Variants in TMEM132D observed in about 807,000 individuals in gnomAD.
The protein encoded by TMEM132D is transmembrane protein 132D, also known as mature OL transmembrane protein.
TMEM132D carries 21 observed loss-of-function variants against 62.3 expected under a neutral mutation model. The ratio of observed to expected loss-of-function variants is 0.34; its 90% CI spans 0.24 to 0.49. The LOEUF is 0.49. Among genes scored for constraint, TMEM132D ranks in the 20% least tolerant of loss-of-function variants. The pLI is 0.99. For missense variants in TMEM132D, 1,346 were observed against 1,402.8 expected (o/e 0.96, Z 0.65); for synonymous variants, 621 against 575.6 (o/e 1.08, Z -1.13).
intron 2 of TMEM132D, among the ~76,000 whole-genome samples, chr12:129,674,632 C>T (rs1373718659): frequency 6.6e-6 from 1 of 152,160 alleles, no homozygotes; most frequent in Non-Finnish European, 1.5e-5. Flanking sequence ...CTCCGCCTCC[C>T]AGGTTCATGC....
At chr12:129,583,759 C>T (rs1049362096) in intron 2 of TMEM132D, among the ~76,000 whole-genome samples, 6 of 152,246 alleles carry the variant, frequency 3.9e-5, no homozygotes, top group East Asian at 1.9e-4. Context: ...ACATAAATGG[C>T]GAGAAAGCAT....
chr12:129,228,271 C>T (rs547075671), intron 4 of TMEM132D, among the ~76,000 whole-genome samples: 2 of 152,088 alleles, frequency 1.3e-5, no homozygotes, highest in East Asian at 1.9e-4. Flanking sequence ...GCTGGTTTTG[C>T]GTGCTGAAAA....
In TMEM132D at chr12:129,354,379, A is replaced by G. The variant is rs566793227; in HGVS notation, c.1116-16562T>C. Among the ~76,000 whole-genome samples the G allele has an allele frequency of 2.1e-3, 326 of 151,836 alleles. 2 individuals are homozygous for G. Among genetic ancestry groups the G allele is most frequent in the African/African-American group, 7.4e-3 (304 of 41,350 alleles). On this transcript the variant is annotated intron_variant, in intron 3 of 8. Coordinates refer to ENST00000422113, the MANE Select transcript of TMEM132D (RefSeq NM_133448.3). ...CGCTCCGTCACGCAGGCTGGAGTGC[A>G]GTGGCATGATCTTAGCTTACTGCAA... is the stretch of plus-strand genomic sequence containing the variant.
intron 3 of TMEM132D, among the ~76,000 whole-genome samples, chr12:129,432,626 C>T (rs747697264): frequency 6.6e-6 from 1 of 152,132 alleles, no homozygotes; most frequent in Non-Finnish European, 1.5e-5. Context: ...GTAATATATA[C>T]CAAGAGTAGA....
Position 129,827,485 on chromosome 12 carries a change from T to C in TMEM132D, c.79+75776A>G, listed in dbSNP as rs1197252551. On this transcript the variant is annotated intron_variant, in intron 1 of 8. Transcript: ENST00000422113. The surrounding 1 kb of genome is among the most constrained non-coding windows in gnomAD (Gnocchi z 9.7). ...AATTTGCAAAATACTAATGGGTATT[T>C]TGCAACTTTTTAACTATTTTACTTC... Among the ~76,000 whole-genome samples the C allele has an allele frequency of 6.7e-6, 1 of 150,300 alleles. No homozygotes were observed. The highest frequency in any genetic ancestry group is 2.0e-4 in the East Asian group (1 of 4,968).
chr12:129,147,200 G>A (rs538700692), intron 5 of TMEM132D, among the ~76,000 whole-genome samples: 19 of 145,208 alleles, frequency 1.3e-4, no homozygotes, highest in African/African-American at 2.8e-4. Context: ...ATATATTTAC[G>A]TATATGTATA....
At position 129,708,246 on chromosome 12, in the gene TMEM132D, G is replaced by T. The variant is rs545951188; in HGVS notation, c.80-7548C>A. 2.6e-5 allele frequency among the ~76,000 whole-genome samples: 4 copies of T among 152,016 alleles called. No homozygotes were observed. In the East Asian group the frequency reaches 7.7e-4, roughly 29 times the overall value. ...ACAGAAAAAAGAAAAAGAAAACAGG[G>T]TGAGAGGATAAAAAGTTATCTAGCC... On this transcript the variant is annotated intron_variant, in intron 1 of 8. Transcript: ENST00000422113.
chr12:129,838,119 T>C (rs555400004), intron 1 of TMEM132D, among the ~76,000 whole-genome samples: 1 of 152,326 alleles, frequency 6.6e-6, no homozygotes, highest in South Asian at 2.1e-4. Context: ...GCTCTCTCCA[T>C]TACACAAACT....
chr12:129,716,667 A>C (rs1198007468), intron 1 of TMEM132D, among the ~76,000 whole-genome samples: 1 of 152,122 alleles, frequency 6.6e-6, no homozygotes, highest in Non-Finnish European at 1.5e-5. Context: ...TGCAGATGGG[A>C]CTAAGTCAGG....
At chr12:129,870,970 T>G (rs1874221720) in intron 1 of TMEM132D, among the ~76,000 whole-genome samples, 1 of 151,968 alleles carries the variant, frequency 6.6e-6, no homozygotes, top group African/African-American at 2.4e-5. Context: ...AGAGCTGACA[T>G]TAGAACACCT....
chr12:129,731,692 T>C (rs1239371146), intron 1 of TMEM132D, among the ~76,000 whole-genome samples: 1 of 151,812 alleles, frequency 6.6e-6, no homozygotes, highest in Non-Finnish European at 1.5e-5. Flanking sequence ...AGACGGAGTC[T>C]CGCTCTGTCG....
chr12:129,779,022 G>A lies in TMEM132D; in HGVS notation c.80-78324C>T, dbSNP rs926800740. On this transcript the variant is annotated intron_variant, in intron 1 of 8. Coordinates refer to ENST00000422113, the MANE Select transcript of TMEM132D (RefSeq NM_133448.3). The surrounding 1 kb of genome is among the most constrained non-coding windows in gnomAD (Gnocchi z 4.1). Reference sequence around the variant, plus strand: ...TACTATCTAGTGCTAAGCACTCCTGGGCTAGAATTGTGCCTCCATGGCTGA... The same window carrying A: ...TACTATCTAGTGCTAAGCACTCCTGAGCTAGAATTGTGCCTCCATGGCTGA... 6.6e-6 allele frequency among the ~76,000 whole-genome samples: 1 copy of A among 152,134 alleles called. No individual in the cohort carries two copies. Among genetic ancestry groups the A allele is most frequent in the Non-Finnish European group, 1.5e-5 (1 of 68,030 alleles).
At chr12:129,610,022 C>T (rs920640178) in intron 2 of TMEM132D, among the ~76,000 whole-genome samples, 11 of 152,154 alleles carry the variant, frequency 7.2e-5, no homozygotes, top group Non-Finnish European at 1.3e-4. Context: ...GTAATCCCAA[C>T]GCTTTGGGAG....
intron 2 of TMEM132D, among the ~76,000 whole-genome samples, chr12:129,639,739 T>C (rs192248661): frequency 3.3e-5 from 5 of 152,286 alleles, no homozygotes; most frequent in Admixed American, 3.3e-4. Flanking sequence ...TCCCCGAATG[T>C]AGTTTACATG....
intron 1 of TMEM132D, among the ~76,000 whole-genome samples, chr12:129,897,843 C>G (rs1455509125): frequency 6.6e-6 from 1 of 152,188 alleles, no homozygotes; most frequent in Non-Finnish European, 1.5e-5. Context: ...CTGCACTCAG[C>G]CCCTGGCAAG....
intron 2 of TMEM132D, among the ~76,000 whole-genome samples, chr12:129,677,796 C>T (rs1047782099): frequency 6.6e-6 from 1 of 151,220 alleles, no homozygotes; most frequent in Non-Finnish European, 1.5e-5. Flanking sequence ...ATCCTCCTTA[C>T]TGGCTTCCTG....
At chr12:129,512,268 G>T (rs1260996758) in intron 3 of TMEM132D, among the ~76,000 whole-genome samples, 1 of 152,188 alleles carries the variant, frequency 6.6e-6, no homozygotes, top group Non-Finnish European at 1.5e-5. Context: ...TTGGCCCAGG[G>T]AGAGGCACAG....
chr12:129,836,127 C>T (rs1391930522), intron 1 of TMEM132D, among the ~76,000 whole-genome samples: 1 of 152,170 alleles, frequency 6.6e-6, no homozygotes, highest in African/African-American at 2.4e-5. Flanking sequence ...ATATATTTAC[C>T]TGTTAGTCAT....
rs573389337 is a variant in TMEM132D, at chr12:129,112,671, A to C, written c.1444-27969T>G. Among the ~76,000 whole-genome samples the C allele has an allele frequency of 2.6e-5, 4 of 152,280 alleles. No homozygotes were observed. The South Asian group carries it at 8.3e-4, about 32-fold the overall frequency. On this transcript the variant is annotated intron_variant, in intron 5 of 8. Coordinates refer to ENST00000422113, the MANE Select transcript of TMEM132D (RefSeq NM_133448.3). Reference sequence around the variant, plus strand: ...AAAGCAAAACTCCGTCTCAAAGAAAAAAATTAAGTAAGATTAAAGATTTAC... The same window carrying C: ...AAAGCAAAACTCCGTCTCAAAGAAACAAATTAAGTAAGATTAAAGATTTAC...
Sources: allele counts gnomAD v4.1 joint callset (sites outside exome capture counted in the v4.1 genomes callset), GRCh38; gene constraint gnomAD v4.1.1; non-coding constraint Gnocchi (gnomAD v3.1); transcripts MANE v1.5; gene names NCBI Gene and HGNC (gene_info 2026-07-23, HGNC 2026-07-21).